Variants in RADIL observed in about 807,000 individuals in gnomAD.
The protein encoded by RADIL is ras-associating and dilute domain-containing protein.
RADIL carries 99 observed loss-of-function variants against 97.6 expected under a neutral mutation model. That is an observed-to-expected ratio of 1.01 (90% CI 0.86 to 1.20). The LOEUF is 1.20. RADIL is among the 50% of genes most tolerant of loss of function. RADIL has a pLI of 0.00. For synonymous variants in RADIL, 803 were observed against 691.8 expected (o/e 1.16, Z -2.52); for missense variants, 1,765 against 1,498.9 (o/e 1.18, Z -2.93).
At position 4,798,892 on chromosome 7, in the gene RADIL, C is replaced by T. The variant is rs1781987097; in HGVS notation, c.*486G>A. The stretch of plus-strand genomic sequence containing the variant: ...GCATCCTCTGCCAGGTCTGGCCCTG[C>T]TTCAGCTGGGAGGGGCTGTTGGAGC... On this transcript the variant is annotated 3_prime_UTR_variant, in exon 15 of 15. Transcript: ENST00000399583. 1 of 168,102 alleles carries T rather than the reference C, an allele frequency of 5.9e-6. No individual in the cohort carries two copies. The highest frequency in any genetic ancestry group is 2.4e-5 in the African/African-American group (1 of 41,692). 10.4% of individuals were successfully genotyped at this position (168,102 alleles called of 1,614,324 possible).
chr7:4,801,806 T>C lies in RADIL; in HGVS notation c.2689A>G (p.Thr897Ala). Residue 897 changes from threonine to alanine, a missense_variant, in exon 12 of 15, where the codon ACG becomes GCG. By Grantham distance (58) the Thr-to-Ala change is moderately conservative. Transcript: ENST00000399583. Reference protein sequence around the residue: ...RGGSQAGPPHTDSSCLLTPPS... With the variant: ...RGGSQAGPPHADSSCLLTPPS... ...GGCGTGAGCAAGCAGGACGAGTCCG[T>C]GTGCGGGGGGCCAGCCTGGGAGCCC... 1.2e-6 allele frequency: 2 copies of C among 1,608,946 alleles called. No homozygotes were observed. The highest frequency in any genetic ancestry group is 1.7e-6 in the Non-Finnish European group (2 of 1,178,502).
intron 9 of RADIL, chr7:4,806,042 G>C (rs1782296304): frequency 1.0e-6 from 1 of 985,372 alleles, no homozygotes; most frequent in Non-Finnish European, 1.2e-6. Flanking sequence ...AGTGAAATCA[G>C]ATTCCTGCCT....
chr7:4,823,621 A>G (rs938072631), intron 5 of RADIL, among the ~76,000 whole-genome samples: 5 of 152,030 alleles, frequency 3.3e-5, no homozygotes, highest in African/African-American at 1.2e-4. Flanking sequence ...CTCCCTTTTC[A>G]GGGGATGACG....
At chr7:4,828,683 G>A (rs1783060624) in intron 5 of RADIL, among the ~76,000 whole-genome samples, 1 of 152,206 alleles carries the variant, frequency 6.6e-6, no homozygotes, top group African/African-American at 2.4e-5. Context: ...GATCACGGGG[G>A]AGTGACAGAT....
At chr7:4,860,185 A>C (rs754161589) in intron 2 of RADIL, 1 of 1,614,052 alleles carries the variant, frequency 6.2e-7, no homozygotes, top group Admixed American at 1.7e-5. Flanking sequence ...CTGTCTTCAT[A>C]GTGCTAGTAG....
At chr7:4,860,865 T>G in intron 2 of RADIL, 8 of 1,614,168 alleles carry the variant, frequency 5.0e-6, no homozygotes, top group Non-Finnish European at 6.8e-6. Context: ...GGTGTGATGA[T>G]AGGCATAAGA....
chr7:4,843,148 A>T (rs1331714695), intron 2 of RADIL, among the ~76,000 whole-genome samples: 1 of 151,548 alleles, frequency 6.6e-6, no homozygotes, highest in Non-Finnish European at 1.5e-5. Flanking sequence ...CTAGGATTAC[A>T]GAAGCCCACT....
chr7:4,868,781 T>G (rs915324339), intron 2 of RADIL, among the ~76,000 whole-genome samples: 5 of 152,228 alleles, frequency 3.3e-5, no homozygotes, highest in African/African-American at 9.7e-5. Flanking sequence ...TTTGATATAG[T>G]CAAATCTATC....
rs767843563 is a variant in RADIL at position 4,845,844 on chromosome 7, A to G, written c.536-9239T>C. ...TGCTTAAGCCATTTGTTAGGCAGAC[A>G]CAGATGGAGACAGAGCTCTCCGGGG... On this transcript the variant is annotated intron_variant, in intron 2 of 14. Transcript: ENST00000399583. Among the ~76,000 whole-genome samples the G allele has an allele frequency of 6.4e-4, 97 of 152,198 alleles. 1 individual carries two copies. The highest frequency in any genetic ancestry group is 3.2e-3 in the Admixed American group (49 of 15,278).
At chr7:4,861,325 A>G (rs542157053) in intron 2 of RADIL, 1 of 1,614,066 alleles carries the variant, frequency 6.2e-7, no homozygotes, top group African/African-American at 1.3e-5. Flanking sequence ...CTATCCCATC[A>G]AAACACAGTT....
chr7:4,861,455 C>G, intron 2 of RADIL: 3 of 1,614,152 alleles, frequency 1.9e-6, no homozygotes, highest in Non-Finnish European at 2.5e-6. Flanking sequence ...TGGTGCAACG[C>G]ACAAGGCGTC....
Position 4,867,062 on chromosome 7 carries a change from G to C in RADIL, c.535+10543C>G, listed in dbSNP as rs4724124. ...CACAGAAGCCCTCACCAGAAGCCAG[G>C]GCCGTGCCCTGGAACTTCTCAGCCT... On this transcript the variant is annotated intron_variant, in intron 2 of 14. Coordinates refer to ENST00000399583, the MANE Select transcript of RADIL (RefSeq NM_018059.5). This position sits in a 1 kb window ranked among gnomAD's most constrained non-coding sequence, Gnocchi z 4.1. 0.45 allele frequency among the ~76,000 whole-genome samples: 67,691 copies of C among 151,984 alleles called. 16,858 individuals carry two copies. The highest frequency in any genetic ancestry group is 0.67 in the African/African-American group (27,804 of 41,474).
chr7:4,817,060 G>C lies in RADIL; in HGVS notation c.1728+179C>G, dbSNP rs772968246. ...GTGCGACCTGAGGAGGAGCGGGTGT[G>C]GGGGGTGCAGCTGGGCCTGTGCAGA... On this transcript the variant is annotated intron_variant, in intron 7 of 14. Coordinates refer to ENST00000399583, the MANE Select transcript of RADIL (RefSeq NM_018059.5). The surrounding 1 kb of genome is among the most constrained non-coding windows in gnomAD (Gnocchi z 8.3). 1.3e-5 allele frequency among the ~76,000 whole-genome samples: 2 copies of C among 152,160 alleles called. No individual in the cohort carries two copies. The highest frequency in any genetic ancestry group is 2.9e-5 in the Non-Finnish European group (2 of 68,006).
In RADIL at chr7:4,799,113, G is replaced by A. The variant is rs1360118101; in HGVS notation, c.*265C>T. On this transcript the variant is annotated 3_prime_UTR_variant, in exon 15 of 15. Coordinates refer to ENST00000399583, the MANE Select transcript of RADIL (RefSeq NM_018059.5). ...CCCAGCAGGGCACCCTCTAAGAACG[G>A]GAAAAATAGTTTATTGAACCGTACT... is the stretch of plus-strand genomic sequence containing the variant. The A allele has an allele frequency of 2.1e-6, 1 of 467,928 alleles. No individual in the cohort carries two copies. Among genetic ancestry groups the A allele is most frequent in the African/African-American group, 2.0e-5 (1 of 50,622 alleles). 29.0% of individuals were successfully genotyped at this position (467,928 alleles called of 1,614,324 possible).
rs536614641 is a variant in RADIL, at chr7:4,854,432, G to T, written c.536-17827C>A. Among the ~76,000 whole-genome samples the T allele has an allele frequency of 3.9e-5, 6 of 152,170 alleles. No homozygotes were observed. Among genetic ancestry groups the T allele is most frequent in the African/African-American group, 1.4e-4 (6 of 41,432 alleles). On this transcript the variant is annotated intron_variant, in intron 2 of 14. Transcript: ENST00000399583. The surrounding 1 kb of genome is among the most constrained non-coding windows in gnomAD (Gnocchi z 5.1). ...CTTTGGGCCGGGCGCGGTGGCTCAC[G>T]CCTGTAATCCCAGCACGTTGGGAGG...
rs1190326445 is a variant in RADIL, at chr7:4,813,393, T to C, written c.2139+1885A>G. ...CCACAGATTCCACTCCCCTTTTCAA[T>C]GCTTTTGGTTCCGTTTTAAAGCCTC... On this transcript the variant is annotated intron_variant, in intron 9 of 14. Coordinates refer to ENST00000399583, the MANE Select transcript of RADIL (RefSeq NM_018059.5). This position sits in a 1 kb window ranked among gnomAD's most constrained non-coding sequence, Gnocchi z 5.0. 6.6e-6 allele frequency among the ~76,000 whole-genome samples: 1 copy of C among 152,198 alleles called. No individual in the cohort carries two copies. Among genetic ancestry groups the C allele is most frequent in the African/African-American group, 2.4e-5 (1 of 41,456 alleles).
intron 9 of RADIL, chr7:4,809,587 C>A (rs745396217): frequency 6.1e-6 from 6 of 985,476 alleles, no homozygotes; most frequent in African/African-American, 1.7e-5. Flanking sequence ...CACTTCCAGC[C>A]CTGCAGACAC....
At chr7:4,810,640 C>A (rs117667485) in intron 9 of RADIL, among the ~76,000 whole-genome samples, 2,372 of 152,356 alleles carry the variant, frequency 0.016, 31 homozygotes, top group Middle Eastern at 0.048. Flanking sequence ...GAGGGACCCA[C>A]GGAAGCATCT....
At chr7:4,802,329 TG>T (rs199667078) in intron 11 of RADIL, among the ~76,000 whole-genome samples, 3 of 137,542 alleles carry the variant, frequency 2.2e-5, no homozygotes, top group African/African-American at 8.8e-5. Context: ...GCATGCTGGC[TG>T]GGCCCCCTCC....
Sources: allele counts gnomAD v4.1 joint callset (sites outside exome capture counted in the v4.1 genomes callset), GRCh38; gene constraint gnomAD v4.1.1; non-coding constraint Gnocchi (gnomAD v3.1); transcripts MANE v1.5; gene names NCBI Gene and HGNC (gene_info 2026-07-23, HGNC 2026-07-21).